LRRD1: variants seen among roughly 807,000 people sequenced by gnomAD.
LRRD1 encodes the protein leucine-rich repeat and death domain-containing protein 1.
In LRRD1, 49 loss-of-function variants were observed where a neutral mutation model predicts 69.5. The ratio of observed to expected loss-of-function variants is 0.70; its 90% confidence interval spans 0.56 to 0.89. The LOEUF (loss-of-function observed/expected upper bound fraction) is 0.89. Ranked by LOEUF, LRRD1 falls within the 40% of genes least tolerant of loss-of-function variation. LRRD1 has a pLI of 0.00. For missense variants in LRRD1, 853 were observed against 956.0 expected, an observed-to-expected ratio of 0.89 and a Z score of 1.42; for synonymous variants, 303 against 338.9, an observed-to-expected ratio of 0.89 and a Z score of 1.16.
intron 2 of LRRD1, among the ~76,000 whole-genome samples, chr7:92,161,431 C>CG (rs1563191839): frequency 6.6e-6 from 1 of 152,240 alleles, no homozygotes; most frequent in Non-Finnish European, 1.5e-5. Flanking sequence ...ACAACAGATA[C>CG]GCAATTTGGA....
intron 1 of LRRD1, among the ~76,000 whole-genome samples, chr7:92,165,734 G>A (rs992828731): frequency 1.3e-5 from 2 of 151,930 alleles, no homozygotes; most frequent in African/African-American, 2.4e-5. Flanking sequence ...GGTAGCGGGC[G>A]CCTGTAATCC....
At chr7:92,171,066 G>T (rs1484171530) in intron 1 of LRRD1, among the ~76,000 whole-genome samples, 1 of 152,030 alleles carries the variant, frequency 6.6e-6, no homozygotes, top group Non-Finnish European at 1.5e-5. Flanking sequence ...AGGGAAGTTT[G>T]TACCAATACA....
intron 2 of LRRD1, among the ~76,000 whole-genome samples, chr7:92,162,879 A>T (rs1157737972): frequency 6.6e-6 from 1 of 152,186 alleles, no homozygotes; most frequent in Non-Finnish European, 1.5e-5. Flanking sequence ...AAAAAGACTA[A>T]AAGTTGTGTC....
intron 2 of LRRD1, among the ~76,000 whole-genome samples, chr7:92,160,353 G>A (rs1486703351): frequency 1.3e-5 from 2 of 152,054 alleles, no homozygotes; most frequent in African/African-American, 4.8e-5. Flanking sequence ...TTATTTTAGG[G>A]AACAGAATAT....
intron 3 of LRRD1, among the ~76,000 whole-genome samples, chr7:92,152,630 A>G (rs1820501331): frequency 6.7e-6 from 1 of 149,272 alleles, no homozygotes; most frequent in Non-Finnish European, 1.5e-5. Flanking sequence ...AGTTACTTGT[A>G]TTTTGATAGC....
intron 1 of LRRD1, among the ~76,000 whole-genome samples, chr7:92,169,985 A>G (rs1789013112): frequency 6.6e-6 from 1 of 151,910 alleles, no homozygotes; most frequent in Non-Finnish European, 1.5e-5. Context: ...TGGGAGAATC[A>G]CTTGAGCCCA....
In LRRD1 at chr7:92,144,965, G is replaced by A. The variant is rs114574359; in HGVS notation, c.2506C>T (p.Leu836=). The part of the protein sequence containing the change: ...AALRDQLIRA[L]TMIGAYEIMD... ...ATTTCATATGCTCCTATCATAGTTAGTGCTCGAATTAGTTGATCTCTTAAA... is the reference window on the plus strand; with the variant it reads ...ATTTCATATGCTCCTATCATAGTTAATGCTCGAATTAGTTGATCTCTTAAA... Residue 836 remains leucine, a synonymous_variant, in exon 6 of 6, where the codon CTA becomes TTA. Coordinates refer to ENST00000458448, the MANE Select transcript of LRRD1 (RefSeq NM_001161528.2). 2,856 of 1,545,880 alleles carry A rather than the reference G, an allele frequency of 1.8e-3. 63 individuals carry two copies. In the African/African-American group the frequency reaches 0.035, roughly 19 times the overall value.
At chr7:92,178,393 G>A (rs1359077286) in intron 1 of LRRD1, among the ~76,000 whole-genome samples, 1 of 152,084 alleles carries the variant, frequency 6.6e-6, no homozygotes, top group Admixed American at 6.5e-5. Flanking sequence ...AAACATGGCT[G>A]GGCGCGGTGG....
intron 1 of LRRD1, among the ~76,000 whole-genome samples, chr7:92,173,787 A>G (rs764137222): frequency 6.6e-6 from 1 of 152,202 alleles, no homozygotes; most frequent in Non-Finnish European, 1.5e-5. Flanking sequence ...CAAAGAAAGT[A>G]AAAATAGAAC....
chr7:92,149,916 G>C, intron 4 of LRRD1: 1 of 456,654 alleles, frequency 2.2e-6, no homozygotes, highest in Non-Finnish European at 4.4e-6. Flanking sequence ...TTTATGTGTG[G>C]ATTTTGAGTC....
intron 3 of LRRD1, among the ~76,000 whole-genome samples, chr7:92,151,405 G>A (rs1221741332): frequency 6.6e-6 from 1 of 152,200 alleles, no homozygotes; most frequent in Non-Finnish European, 1.5e-5. Flanking sequence ...CCACAGAGGT[G>A]AAGTGCACTT....
intron 1 of LRRD1, among the ~76,000 whole-genome samples, chr7:92,173,044 A>G (rs1789091059): frequency 6.6e-6 from 1 of 152,216 alleles, no homozygotes; most frequent in Admixed American, 6.5e-5. Context: ...AAATCCACTC[A>G]TTTACAGCCA....
At position 92,164,474 on chromosome 7, in the gene LRRD1, G is replaced by A. The variant is rs757845580; in HGVS notation, c.729C>T (p.Asn243=). ...LGNIRQLFFY[N]NYIENFPSDL... Reference sequence around the variant, plus strand: ...CAGAAGGAAAATTTTCAATGTAATTGTTATAAAAAAAGAGTTGTCTGATAT... The same window carrying A: ...CAGAAGGAAAATTTTCAATGTAATTATTATAAAAAAAGAGTTGTCTGATAT... The change falls in exon 2 of 6, where the codon AAC becomes AAT. Residue 243 remains asparagine, a synonymous_variant. Transcript: ENST00000458448. 6.5e-7 allele frequency: 1 copy of A among 1,549,688 alleles called. No homozygotes were observed. Among genetic ancestry groups the A allele is most frequent in the African/African-American group, 1.4e-5 (1 of 72,884 alleles).
chr7:92,176,340 G>A (rs1019693063), intron 1 of LRRD1, among the ~76,000 whole-genome samples: 1 of 151,968 alleles, frequency 6.6e-6, no homozygotes, highest in South Asian at 2.1e-4. Flanking sequence ...ATCTGACTAG[G>A]TTCTCTTATT....
At chr7:92,152,674 C>CTT (rs375384141) in intron 3 of LRRD1, among the ~76,000 whole-genome samples, 2 of 139,898 alleles carry the variant, frequency 1.4e-5, no homozygotes, top group Non-Finnish European at 3.1e-5. Context: ...TTTAACTATT[C>CTT]TTTTTTTTTT....
intron 3 of LRRD1, among the ~76,000 whole-genome samples, chr7:92,158,178 T>C (rs1192638586): frequency 6.6e-6 from 1 of 152,088 alleles, no homozygotes; most frequent in African/African-American, 2.4e-5. Flanking sequence ...GTTATGTCAC[T>C]TCCAAGATTA....
At chr7:92,150,924 T>TC (rs1194789444) in intron 3 of LRRD1, among the ~76,000 whole-genome samples, 1 of 152,212 alleles carries the variant, frequency 6.6e-6, no homozygotes, top group African/African-American at 2.4e-5. Flanking sequence ...GAGACTATCC[T>TC]CTTTTAATAC....
intron 4 of LRRD1, among the ~76,000 whole-genome samples, chr7:92,148,621 G>GT (rs1201281795): frequency 6.6e-6 from 1 of 152,112 alleles, no homozygotes; most frequent in Non-Finnish European, 1.5e-5. Flanking sequence ...GGCTCCTTGG[G>GT]TGTAGGGAAA....
chr7:92,164,507 C>A lies in LRRD1; in HGVS notation c.696G>T (p.Gln232His). 6.5e-7 allele frequency: 1 copy of A among 1,549,886 alleles called. No homozygotes were observed. The highest frequency in any genetic ancestry group is 1.4e-5 in the African/African-American group (1 of 73,010). The change falls in exon 2 of 6, where the codon CAG becomes CAT. Residue 232 changes from glutamine to histidine, a missense_variant. Physicochemically the swap from Gln to His is conservative, Grantham distance 24 (BLOSUM62 0). Around this residue, in one of 3 missense-constraint regions of LRRD1, gnomAD observed 739 missense variants for 808.0 expected, o/e 0.91. Transcript: ENST00000458448. ...AAAAGAGTTGTCTGATATTCCCAAG[C>A]TGAGATATTTCTTTAGGTATATGTG... ...HISHIPKEISQLGNIRQLFFY... is the reference protein window; with the variant it reads ...HISHIPKEISHLGNIRQLFFY...
Sources: gnomAD v4.1 joint callset for allele counts (sites outside exome capture counted in the v4.1 genomes callset) on GRCh38, gnomAD v4.1.1 for gene constraint, gnomAD v4.1.1 regional missense constraint, MANE v1.5 for transcripts, NCBI Gene and HGNC (gene_info 2026-07-23, HGNC 2026-07-21) for gene names.